Variants in MIA2 observed in about 807,000 individuals in gnomAD.
MIA2 encodes MIA SH3 domain ER export factor 2, also known as melanoma inhibitory activity protein 2.
In MIA2, 127 loss-of-function variants were observed where a neutral mutation model predicts 167.8. That is an observed-to-expected ratio of 0.76 (90% CI 0.66 to 0.88). MIA2 has a LOEUF of 0.88. Ranked by LOEUF, MIA2 falls within the 40% of genes least tolerant of loss-of-function variation. The pLI is 0.00. For missense variants in MIA2, 1,690 were observed against 1,624.7 expected (o/e 1.04, Z -0.69); for synonymous variants, 552 against 541.9 (o/e 1.02, Z -0.26).
chr14:39,340,484 G>A (rs1240014565), intron 25 of MIA2, among the ~76,000 whole-genome samples: 1 of 152,216 alleles, frequency 6.6e-6, no homozygotes, highest in Non-Finnish European at 1.5e-5. Context: ...AGCTTTGAAT[G>A]CATAGGCGTA....
intron 26 of MIA2, 108 bp from the exon 27 acceptor site, chr14:39,347,605 T>C (rs1161040771): frequency 5.6e-6 from 6 of 1,073,158 alleles, no homozygotes; most frequent in Non-Finnish European, 7.0e-6. Flanking sequence ...TCCAGCTGGC[T>C]TATGTGCCAA....
At position 39,324,618 on chromosome 14, in the gene MIA2, T is replaced by A. The variant is rs557965453; in HGVS notation, c.3497-2246T>A. Among the ~76,000 whole-genome samples the A allele has an allele frequency of 4.6e-5, 7 of 152,222 alleles. No individual in the cohort carries two copies. In the East Asian group the frequency reaches 9.7e-4, roughly 21 times the overall value. On this transcript the variant is annotated intron_variant, in intron 24 of 28. Coordinates refer to ENST00000640607, the MANE Select transcript of MIA2 (RefSeq NM_001329214.4). ...TGTTAGACTTCTTTTTTTTTTATTT[T>A]TTTTTTTTGAGATAGTCTCACTGTG...
downstream of MIA2, among the ~76,000 whole-genome samples, chr14:39,352,658 CT>C (rs1248442287): frequency 6.6e-6 from 1 of 152,024 alleles, no homozygotes; most frequent in Non-Finnish European, 1.5e-5. Flanking sequence ...AACTGTACTT[CT>C]TCCCATATAT....
In MIA2 at chr14:39,267,396, G is replaced by T. The variant is rs376894456; in HGVS notation, c.1888-9538G>T. The T allele has an allele frequency of 1.4e-4, 225 of 1,606,916 alleles. 1 individual carries two copies. In the African/African-American group the frequency reaches 2.8e-3, roughly 20 times the overall value. ...CCGGACCGAAGGCTGTGTGTTCTCC[G>T]CCGTTTATTGTGGCCCCGACAGGCC... is the stretch of plus-strand genomic sequence containing the variant. On this transcript the variant is annotated intron_variant, in intron 6 of 28. Transcript: ENST00000640607.
chr14:39,349,382 T>C (rs976997743), intron 28 of MIA2, among the ~76,000 whole-genome samples: 1 of 152,232 alleles, frequency 6.6e-6, no homozygotes, highest in Non-Finnish European at 1.5e-5. Context: ...TAAGTAGTTC[T>C]GATGCAGTCC....
At chr14:39,275,461 C>A (rs2152728693) in intron 6 of MIA2, among the ~76,000 whole-genome samples, 1 of 152,278 alleles carries the variant, frequency 6.6e-6, no homozygotes, top group Admixed American at 6.5e-5. Flanking sequence ...TAGAATTTAC[C>A]ATGTCCTTTT....
chr14:39,386,503 C>A, intron 23 of MIA2: 2 of 1,443,690 alleles, frequency 1.4e-6, no homozygotes, highest in Non-Finnish European at 1.9e-6. Context: ...ACTTGGGATT[C>A]TTGGCCTTTT....
At chr14:39,248,241 T>G in intron 4 of MIA2, 100 bp downstream of exon 4, 3 of 905,634 alleles carry the variant, frequency 3.3e-6, no homozygotes. Context: ...ATCCACGTTT[T>G]TCAGAATACT....
intron 6 of MIA2, chr14:39,253,526 G>C (rs2054669031): frequency 3.7e-6 from 1 of 270,974 alleles, no homozygotes; most frequent in African/African-American, 2.3e-5. Flanking sequence ...CCACTACTTA[G>C]GAGGCTGAGG....
Position 39,238,811 on chromosome 14 carries a change from A to AAAAAAAAAAC in MIA2, c.250-1750_250-1749insAAAAAAAAAC. ...CCTGTCTCAAAAAAAAAAAAAAAAA[A>AAAAAAAAAAC]CCCAAAAAACAAAAAAACCTAGCTG... is the stretch of plus-strand genomic sequence containing the variant. On this transcript the variant is annotated intron_variant, in intron 2 of 28. Coordinates refer to ENST00000640607, the MANE Select transcript of MIA2 (RefSeq NM_001329214.4). Among the ~76,000 whole-genome samples, 66 of 103,600 alleles carry AAAAAAAAAAC rather than the reference A, an allele frequency of 6.4e-4. 2 individuals are homozygous for AAAAAAAAAAC. The highest frequency in any genetic ancestry group is 1.7e-3 in the African/African-American group (43 of 25,542). The allele number at this position is 103,600 out of a possible 152,430, so 68.0% of individuals were successfully genotyped here. A position where few individuals can be genotyped will look rare whatever the true frequency, so the allele number is the denominator to read the frequency against.
chr14:39,234,524 T>C (rs2152587822), intron 1 of MIA2, among the ~76,000 whole-genome samples: 1 of 152,254 alleles, frequency 6.6e-6, no homozygotes, highest in African/African-American at 2.4e-5. Flanking sequence ...TCTGAGCCTA[T>C]TCTGGCTCAG....
At chr14:39,310,770 C>T (rs2064105360) in intron 18 of MIA2, among the ~76,000 whole-genome samples, 1 of 152,156 alleles carries the variant, frequency 6.6e-6, no homozygotes, top group East Asian at 1.9e-4. Context: ...AAGTTCTGTA[C>T]TTCAGTCATG....
intron 25 of MIA2, among the ~76,000 whole-genome samples, chr14:39,335,615 T>C (rs984132197): frequency 2.0e-5 from 3 of 152,198 alleles, no homozygotes; most frequent in Non-Finnish European, 4.4e-5. Context: ...AATAATGTTA[T>C]CTTTTATTTG....
chr14:39,277,772 A>G (rs1490774461), intron 7 of MIA2, among the ~76,000 whole-genome samples: 15 of 42,140 alleles, frequency 3.6e-4, no homozygotes, highest in Admixed American at 1.2e-3. Context: ...ATATATATAT[A>G]TATATATATT....
chr14:39,265,508 T>C, intron 6 of MIA2: 1 of 986,428 alleles, frequency 1.0e-6, no homozygotes, highest in Non-Finnish European at 1.5e-6. Flanking sequence ...GTTTTTGCTA[T>C]GGGGGGAACT....
intron 6 of MIA2, chr14:39,265,254 C>A: frequency 1.4e-6 from 1 of 710,736 alleles, no homozygotes. Flanking sequence ...CCCTTTACCA[C>A]ACAAATGTCA....
chr14:39,362,141 A>G (rs890470798), intron 23 of MIA2, among the ~76,000 whole-genome samples: 5 of 152,126 alleles, frequency 3.3e-5, no homozygotes, highest in African/African-American at 4.8e-5. Flanking sequence ...ACATTGGCCT[A>G]TAGTTTTGTT....
chr14:39,355,865 C>T (rs891918824), downstream of MIA2, among the ~76,000 whole-genome samples: 1 of 152,024 alleles, frequency 6.6e-6, no homozygotes, highest in African/African-American at 2.4e-5. Context: ...TATTGATTTG[C>T]GTATGTTGAA....
chr14:39,304,642 G>C (rs896661269), intron 17 of MIA2, among the ~76,000 whole-genome samples: 4 of 151,834 alleles, frequency 2.6e-5, no homozygotes, highest in African/African-American at 4.8e-5. Context: ...ATTTATCTTC[G>C]AATTACAGTG....
Sources: gnomAD v4.1 joint callset for allele counts (sites outside exome capture counted in the v4.1 genomes callset) on GRCh38, gnomAD v4.1.1 for gene constraint, MANE v1.5 for transcripts, NCBI Gene and HGNC (gene_info 2026-07-23, HGNC 2026-07-21) for gene names.